The following TAOK3 variants were observed in gnomAD, a reference collection of about 807,000 sequenced individuals.
TAOK3 encodes TAO kinase 3, also known as serine/threonine-protein kinase TAO3.
In TAOK3, 40 loss-of-function variants were observed where a neutral mutation model predicts 120.4. The observed-to-expected ratio is 0.33, with a 90% CI of 0.26 to 0.43. The LOEUF is 0.43. TAOK3 is among the 20% of genes least tolerant of loss of function. The pLI is 1.00. For synonymous variants in TAOK3, 355 were observed against 387.5 expected, an observed-to-expected ratio of 0.92 and a Z score of 0.99; for missense variants, 821 against 1,112.1, an observed-to-expected ratio of 0.74 and a Z score of 3.72.
chr12:118,318,607 G>C (rs1223896947), intron 1 of TAOK3, among the ~76,000 whole-genome samples: 1 of 152,152 alleles, frequency 6.6e-6, no homozygotes, highest in Non-Finnish European at 1.5e-5. Context: ...GTAGAGAAAA[G>C]GGAACCCTTG....
At chr12:118,158,419 C>G (rs1399746703) in intron 19 of TAOK3, among the ~76,000 whole-genome samples, 1 of 152,194 alleles carries the variant, frequency 6.6e-6, no homozygotes, top group African/African-American at 2.4e-5. Flanking sequence ...CCTGGTCACC[C>G]ACAAAACGCA....
chr12:118,287,347 A>G (rs1288568103), intron 1 of TAOK3, among the ~76,000 whole-genome samples: 1 of 152,084 alleles, frequency 6.6e-6, no homozygotes, highest in Non-Finnish European at 1.5e-5. Flanking sequence ...TCCACCTCCC[A>G]GGTTCAGGCA....
chr12:118,358,112 C>G (rs1004908184), intron 1 of TAOK3, among the ~76,000 whole-genome samples: 5 of 152,122 alleles, frequency 3.3e-5, no homozygotes, highest in African/African-American at 1.2e-4. Context: ...ATTAAGGTAG[C>G]TTTCCTGATT....
chr12:118,258,447 C>T (rs530607310), intron 2 of TAOK3, among the ~76,000 whole-genome samples: 1 of 152,282 alleles, frequency 6.6e-6, no homozygotes, highest in Admixed American at 6.5e-5. Context: ...GGCGCAGTGG[C>T]TTACACCTGT....
intron 19 of TAOK3, chr12:118,159,881 A>G (rs566865369): frequency 6.7e-5 from 34 of 511,012 alleles, no homozygotes; most frequent in Non-Finnish European, 1.2e-4. Flanking sequence ...CATATGTGGT[A>G]TCTATCACAT....
rs151220610 is a variant in TAOK3 at position 118,308,016 on chromosome 12, G to T, written c.-193-41257C>A. Among the ~76,000 whole-genome samples the T allele has an allele frequency of 6.2e-4, 92 of 149,292 alleles. No homozygotes were observed. The East Asian group carries it at 0.017, about 27-fold the overall frequency. ...ATAACAACATTAAACAGTTATATCT[G>T]TAAATGTAAGAAGGTTAAGGCATTC... On this transcript the variant is annotated intron_variant, in intron 1 of 20. Coordinates refer to ENST00000392533, the MANE Select transcript of TAOK3 (RefSeq NM_016281.4).
At chr12:118,202,179 T>C (rs940325157) in intron 11 of TAOK3, among the ~76,000 whole-genome samples, 1 of 148,958 alleles carries the variant, frequency 6.7e-6, no homozygotes, top group Non-Finnish European at 1.5e-5. Flanking sequence ...ATAATAAATA[T>C]ATATAATAAA....
chr12:118,307,232 A>G (rs941991635), intron 1 of TAOK3, among the ~76,000 whole-genome samples: 1 of 147,808 alleles, frequency 6.8e-6, no homozygotes, highest in East Asian at 2.0e-4. Context: ...TCCCCCCCCC[A>G]TCTCTGGAGT....
At chr12:118,352,227 A>G (rs1041017559) in intron 1 of TAOK3, among the ~76,000 whole-genome samples, 19 of 151,468 alleles carry the variant, frequency 1.3e-4, no homozygotes, top group African/African-American at 4.6e-4. Flanking sequence ...TATCTCTCCA[A>G]CGGCAGCTGG....
chr12:118,238,772 T>C (rs1375120389), intron 6 of TAOK3, among the ~76,000 whole-genome samples: 1 of 152,056 alleles, frequency 6.6e-6, no homozygotes, highest in Non-Finnish European at 1.5e-5. Flanking sequence ...GTAGCTGGTA[T>C]TATAGGTGTT....
chr12:118,244,560 GCT>G (rs1343564696), intron 4 of TAOK3, among the ~76,000 whole-genome samples: 1 of 126,844 alleles, frequency 7.9e-6, no homozygotes, highest in Admixed American at 1.0e-4. Context: ...ACAGAGCCTC[GCT>G]CTGTCACCCA....
At chr12:118,308,332 AC>A (rs1377918249) in intron 1 of TAOK3, among the ~76,000 whole-genome samples, 2 of 150,808 alleles carry the variant, frequency 1.3e-5, no homozygotes, top group Admixed American at 6.6e-5. Flanking sequence ...GCAACCAGCA[AC>A]CCCCCGGGGC....
At chr12:118,229,729 A>T (rs1751084586) in intron 9 of TAOK3, among the ~76,000 whole-genome samples, 1 of 152,076 alleles carries the variant, frequency 6.6e-6, no homozygotes, top group African/African-American at 2.4e-5. Context: ...CAGGAGATTG[A>T]GACCATCCTG....
At position 118,160,682 on chromosome 12, in the gene TAOK3, CTT is replaced by C. The variant is rs751500496; in HGVS notation, c.2140-326_2140-325del. 1.2e-4 allele frequency among the ~76,000 whole-genome samples: 18 copies of C among 152,158 alleles called. No individual in the cohort carries two copies. Among genetic ancestry groups the C allele is most frequent in the Non-Finnish European group, 1.9e-4 (13 of 68,020 alleles). ...TTAGCTTGTTGAAAGAGTGGCAACTCTTTTCATGCTTTCCTAGTCAGACACTT... is the reference window on the plus strand; with the variant it reads ...TTAGCTTGTTGAAAGAGTGGCAACTCTTCATGCTTTCCTAGTCAGACACTT... On this transcript the variant is annotated intron_variant, in intron 18 of 20. Transcript: ENST00000392533. This position sits in a 1 kb window ranked among gnomAD's most constrained non-coding sequence, Gnocchi z 4.2.
chr12:118,174,581 G>A (rs538054852), intron 16 of TAOK3, among the ~76,000 whole-genome samples: 11 of 152,024 alleles, frequency 7.2e-5, no homozygotes, highest in Non-Finnish European at 1.6e-4. Flanking sequence ...AACTCAAAAT[G>A]GTGGCCATAG....
intron 1 of TAOK3, among the ~76,000 whole-genome samples, chr12:118,353,987 G>T (rs139434263): frequency 6.6e-6 from 1 of 152,180 alleles, no homozygotes; most frequent in African/African-American, 2.4e-5. Context: ...GCTTATGTAA[G>T]AATTAGTTTT....
chr12:118,263,901 A>G (rs2041335106), intron 2 of TAOK3, among the ~76,000 whole-genome samples: 1 of 152,148 alleles, frequency 6.6e-6, no homozygotes, highest in African/African-American at 2.4e-5. Flanking sequence ...CCTCATCTCT[A>G]CTAATAATAC....
intron 1 of TAOK3, among the ~76,000 whole-genome samples, chr12:118,316,451 G>A (rs1287973963): frequency 6.6e-6 from 1 of 152,042 alleles, no homozygotes; most frequent in East Asian, 1.9e-4. Flanking sequence ...TAGAGGTGGG[G>A]TCTCGCTCTG....
chr12:118,342,259 G>T (rs2044647853), intron 1 of TAOK3, among the ~76,000 whole-genome samples: 1 of 152,146 alleles, frequency 6.6e-6, no homozygotes, highest in Admixed American at 6.5e-5. Context: ...GAAGCAATCT[G>T]CTCACAGCTA....
Sources: allele counts gnomAD v4.1 joint callset (sites outside exome capture counted in the v4.1 genomes callset), GRCh38; gene constraint gnomAD v4.1.1; non-coding constraint Gnocchi (gnomAD v3.1); transcripts MANE v1.5; gene names NCBI Gene and HGNC (gene_info 2026-07-23, HGNC 2026-07-21).